The following APBB2 variants were observed in gnomAD, a reference collection of about 807,000 sequenced individuals.
The protein encoded by APBB2 is Fe65-like 1.
In APBB2, 38 loss-of-function variants were observed where a neutral mutation model predicts 82.5. The ratio of observed to expected loss-of-function variants is 0.46; its 90% CI spans 0.36 to 0.60. The LOEUF is 0.60. Ranked by LOEUF, APBB2 falls within the 20% of genes least tolerant of loss-of-function variation. The pLI, the probability that APBB2 is intolerant of heterozygous loss-of-function variation, is 0.00. For synonymous variants in APBB2, 341 were observed against 368.2 expected, an observed-to-expected ratio of 0.93 and a Z score of 0.85; for missense variants, 772 against 972.3, an observed-to-expected ratio of 0.79 and a Z score of 2.74.
At chr4:41,055,390 A>G (rs1293504191) in intron 4 of APBB2, among the ~76,000 whole-genome samples, 1 of 152,172 alleles carries the variant, frequency 6.6e-6, no homozygotes, top group Non-Finnish European at 1.5e-5. Context: ...CGGAGACCTC[A>G]TCTACCTTTT....
intron 5 of APBB2, among the ~76,000 whole-genome samples, chr4:41,032,778 CTTTTTTT>C (rs11421268): frequency 9.5e-5 from 8 of 84,320 alleles, no homozygotes; most frequent in South Asian, 5.5e-4. Context: ...ATTTTTCTTT[CTTTTTTT>C]TTTTTTTTTT....
chr4:41,003,735 CAG>C (rs1805860537), intron 6 of APBB2, among the ~76,000 whole-genome samples: 2 of 152,278 alleles, frequency 1.3e-5, no homozygotes, highest in Non-Finnish European at 2.9e-5. Flanking sequence ...TCTTTTGAGA[CAG>C]AGTCTCGCTC....
chr4:41,027,378 T>C (rs1423022648), intron 5 of APBB2, among the ~76,000 whole-genome samples: 1 of 48,578 alleles, frequency 2.1e-5, no homozygotes, highest in African/African-American at 1.1e-4. Flanking sequence ...TATATATATA[T>C]ATATATATAT....
intron 16 of APBB2, 34 bp from the exon 17 acceptor site, chr4:40,822,084 GATCC>G: frequency 1.2e-6 from 2 of 1,609,782 alleles, no homozygotes; most frequent in Non-Finnish European, 1.7e-6. Flanking sequence ...CCAATCAGGA[GATCC>G]CAGGATCAAG....
At chr4:40,976,933 C>T (rs1038286705) in intron 6 of APBB2, among the ~76,000 whole-genome samples, 7 of 152,038 alleles carry the variant, frequency 4.6e-5, no homozygotes, top group Admixed American at 1.3e-4. Flanking sequence ...GCAGTGGTCT[C>T]AGATACTTGG....
chr4:40,845,977 AGGTGGGTGTGGGTGGGTG>A, intron 12 of APBB2, among the ~76,000 whole-genome samples: 1 of 10,594 alleles, frequency 9.4e-5, no homozygotes, highest in Non-Finnish European at 1.8e-4. Flanking sequence ...AGGGGTGGGT[AGGTGGGTGTGGGTGGGTG>A]GGTGGGTGGG....
intron 12 of APBB2, among the ~76,000 whole-genome samples, chr4:40,869,870 A>G (rs1764999857): frequency 6.6e-6 from 1 of 151,968 alleles, no homozygotes; most frequent in Non-Finnish European, 1.5e-5. Context: ...TATTCTATAT[A>G]TTCCTGTAGA....
chr4:40,930,080 G>A (rs1783691580), intron 10 of APBB2, among the ~76,000 whole-genome samples: 1 of 152,090 alleles, frequency 6.6e-6, no homozygotes, highest in African/African-American at 2.4e-5. Flanking sequence ...CTGGGTCCTG[G>A]AACAGATTAA....
At chr4:40,943,611 C>T (rs1019563333) in intron 7 of APBB2, among the ~76,000 whole-genome samples, 1 of 152,150 alleles carries the variant, frequency 6.6e-6, no homozygotes, top group Non-Finnish European at 1.5e-5. Context: ...CATCTTTATC[C>T]CCCAGCACAC....
At chr4:40,997,891 C>T (rs1056278812) in intron 6 of APBB2, among the ~76,000 whole-genome samples, 6 of 152,120 alleles carry the variant, frequency 3.9e-5, no homozygotes, top group Admixed American at 1.3e-4. Flanking sequence ...AAAGTGCTTC[C>T]ATGGCATACT....
At chr4:41,009,117 C>T (rs12642733) in intron 6 of APBB2, among the ~76,000 whole-genome samples, 40,288 of 151,886 alleles carry the variant, frequency 0.27, 6,534 homozygotes, top group East Asian at 0.54. Flanking sequence ...ATAAAGCAAA[C>T]ATGAAACACT....
In APBB2 at chr4:41,156,923, G is replaced by A. The variant is rs184606125; in HGVS notation, c.-416-13781C>T. On this transcript the variant is annotated intron_variant, in intron 1 of 17. Coordinates refer to ENST00000508593, the MANE Select transcript of APBB2 (RefSeq NM_004307.2). ...CTCTACTAAAAATACAAAATTAGCC[G>A]GGAATGGTGGTGTACGCCTGCAATC... Among the ~76,000 whole-genome samples the A allele has an allele frequency of 1.5e-3, 226 of 152,014 alleles. 1 individual carries two copies. Among genetic ancestry groups the A allele is most frequent in the Admixed American group, 0.011 (166 of 15,272 alleles).
At chr4:41,006,788 A>T (rs1485481522) in intron 6 of APBB2, among the ~76,000 whole-genome samples, 1 of 152,202 alleles carries the variant, frequency 6.6e-6, no homozygotes, top group East Asian at 1.9e-4. Context: ...TTTGTAAGAA[A>T]AAAGGGGGAA....
chr4:41,069,460 T>G (rs909584414), intron 3 of APBB2, among the ~76,000 whole-genome samples: 3 of 152,222 alleles, frequency 2.0e-5, no homozygotes, highest in Admixed American at 6.5e-5. Context: ...AGACAGCCTT[T>G]GTGATCTCAA....
At chr4:40,844,075 C>T (rs1756776059) in intron 12 of APBB2, among the ~76,000 whole-genome samples, 1 of 152,194 alleles carries the variant, frequency 6.6e-6, no homozygotes, top group Non-Finnish European at 1.5e-5. Flanking sequence ...GAACATTCCT[C>T]TCTTTTGGTG....
At chr4:40,822,883 AG>A (rs2154296691) in intron 16 of APBB2, among the ~76,000 whole-genome samples, 1 of 152,112 alleles carries the variant, frequency 6.6e-6, no homozygotes, top group African/African-American at 2.4e-5. Flanking sequence ...TGGAGCATGG[AG>A]GGTGCAGTGC....
chr4:40,894,826 G>A (rs1773199465), intron 10 of APBB2, among the ~76,000 whole-genome samples: 1 of 152,166 alleles, frequency 6.6e-6, no homozygotes, highest in South Asian at 2.1e-4. Context: ...AGGTAAGGGT[G>A]ACTTGGCTAC....
intron 2 of APBB2, among the ~76,000 whole-genome samples, chr4:41,116,749 A>T (rs1158673047): frequency 6.6e-6 from 1 of 152,232 alleles, no homozygotes; most frequent in East Asian, 1.9e-4. Context: ...GAGGGGGGTT[A>T]TATGGGTGTT....
intron 3 of APBB2, among the ~76,000 whole-genome samples, chr4:41,086,773 T>C (rs1468793832): frequency 6.6e-6 from 1 of 152,140 alleles, no homozygotes; most frequent in Admixed American, 6.5e-5. Context: ...GAATGTCCAC[T>C]TTCACCACTT....
Sources: allele counts gnomAD v4.1 joint callset (sites outside exome capture counted in the v4.1 genomes callset), GRCh38; gene constraint gnomAD v4.1.1; transcripts MANE v1.5; gene names NCBI Gene and HGNC (gene_info 2026-07-23, HGNC 2026-07-21).